SNED1: variants seen among roughly 807,000 people sequenced by gnomAD.
SNED1 encodes the protein sushi, nidogen and EGF-like domain-containing protein 1.
A neutral mutation model predicts 166.7 loss-of-function variants in SNED1; 81 were observed. That is an observed-to-expected ratio of 0.49 (90% CI 0.41 to 0.58). The LOEUF is 0.58. Among genes scored for constraint, SNED1 ranks in the 20% least tolerant of loss-of-function variants. The pLI, the probability that SNED1 is intolerant of heterozygous loss-of-function variation, is 0.00. For synonymous variants in SNED1, 762 were observed against 822.0 expected (o/e 0.93, Z 1.25); for missense variants, 1,604 against 2,000.2 (o/e 0.80, Z 3.78).
chr2:241,066,431 G>C (rs1015604809), intron 21 of SNED1, among the ~76,000 whole-genome samples: 2 of 152,204 alleles, frequency 1.3e-5, no homozygotes, highest in Non-Finnish European at 2.9e-5. Flanking sequence ...GAGCCCGGCC[G>C]CATCAGCTAG....
chr2:241,034,194 C>G (rs73110155), intron 3 of SNED1, among the ~76,000 whole-genome samples: 1 of 152,240 alleles, frequency 6.6e-6, no homozygotes, highest in Non-Finnish European at 1.5e-5. Flanking sequence ...ACACAAGGGA[C>G]CACAGCCGGC....
At chr2:241,034,376 G>T (rs1286658493) in intron 3 of SNED1, among the ~76,000 whole-genome samples, 192 bp from the exon 4 acceptor site, 6 of 152,206 alleles carry the variant, frequency 3.9e-5, no homozygotes, top group Non-Finnish European at 1.5e-5. Context: ...GAGCCCAGAG[G>T]TGAGCTGCCG....
intron 31 of SNED1, chr2:241,089,930 C>T (rs75470013): frequency 9.0e-5 from 139 of 1,537,112 alleles, no homozygotes; most frequent in Non-Finnish European, 1.1e-4. Flanking sequence ...TGTATCTAAA[C>T]GTAGAAAACC....
intron 1 of SNED1, among the ~76,000 whole-genome samples, chr2:241,009,863 G>A (rs552147290): frequency 2.0e-5 from 3 of 152,126 alleles, no homozygotes; most frequent in East Asian, 3.9e-4. Context: ...TATTGCCGTC[G>A]GTGGCTGGGC....
At position 241,081,782 on chromosome 2, in the gene SNED1, G is replaced by A. The variant is rs201185205; in HGVS notation, c.4022G>A (p.Arg1341His). 436 of 1,589,154 alleles carry A rather than the reference G, an allele frequency of 2.7e-4. 1 individual carries two copies. The African/African-American group carries it at 4.5e-3, about 16-fold the overall frequency. The change falls in exon 28 of 32, where the codon CGC becomes CAC. Residue 1341 changes from arginine to histidine, a missense_variant. Around this residue, in one of 2 missense-constraint regions of SNED1, gnomAD observed 367 missense variants for 379.4 expected, o/e 0.97. Transcript: ENST00000310397. ...TGCGGGCCAGGGTTCAAAGGCAGAC[G>A]CTGCGAGCTCGGTAAGTCGGGGCTT... ...CDCGPGFKGR[R>H]CELACIKVSR... is the part of the protein sequence containing the mutation.
At chr2:241,052,259 C>A in intron 14 of SNED1, 96 bp from the exon 15 acceptor site, 2 of 1,438,936 alleles carry the variant, frequency 1.4e-6, no homozygotes, top group Admixed American at 1.8e-5. Context: ...CCTGGAGGCG[C>A]AGGAGGTGGA....
At chr2:241,062,685 T>A in intron 16 of SNED1, 106 bp from the exon 17 acceptor site, 1 of 774,232 alleles carries the variant, frequency 1.3e-6, no homozygotes, top group East Asian at 2.7e-5. Flanking sequence ...CAACCACTGA[T>A]GATGTATCAT....
intron 8 of SNED1, among the ~76,000 whole-genome samples, chr2:241,042,191 A>C (rs1485367397): frequency 2.0e-5 from 3 of 152,164 alleles, no homozygotes; most frequent in Non-Finnish European, 4.4e-5. Context: ...ATTTTGGCTT[A>C]TTATTATCAG....
At chr2:241,045,367 A>G (rs892015009) in intron 8 of SNED1, among the ~76,000 whole-genome samples, 10 of 152,230 alleles carry the variant, frequency 6.6e-5, no homozygotes, top group Non-Finnish European at 1.5e-5. Flanking sequence ...TGAAGAATAA[A>G]TTTTGAGGAA....
At chr2:241,083,862 C>T (rs1156892830) in intron 29 of SNED1, among the ~76,000 whole-genome samples, 7 of 151,870 alleles carry the variant, frequency 4.6e-5, no homozygotes, top group African/African-American at 1.7e-4. Flanking sequence ...TACTACCTTC[C>T]ACATAATGGC....
At chr2:241,071,754 G>T in intron 25 of SNED1, 34 bp downstream of exon 25, 1 of 1,507,112 alleles carries the variant, frequency 6.6e-7, no homozygotes, top group Non-Finnish European at 8.9e-7. Context: ...CATCGCCCGA[G>T]GCGGCGCTCG....
chr2:241,009,565 G>A (rs908308049), intron 1 of SNED1, among the ~76,000 whole-genome samples: 2 of 152,146 alleles, frequency 1.3e-5, no homozygotes, highest in African/African-American at 2.4e-5. Context: ...GGGGGCTGGG[G>A]GCATGGCCCC....
At chr2:241,076,422 G>T (rs1000015077) in intron 27 of SNED1, among the ~76,000 whole-genome samples, 6 of 152,218 alleles carry the variant, frequency 3.9e-5, no homozygotes, top group African/African-American at 1.4e-4. Context: ...TACTTTTCCT[G>T]ATTATTTATT....
chr2:241,003,930 T>G (rs765153902), intron 1 of SNED1, among the ~76,000 whole-genome samples: 2 of 152,238 alleles, frequency 1.3e-5, no homozygotes, highest in African/African-American at 2.4e-5. Context: ...CCTTCTAACA[T>G]CTCTGGTTTC....
intron 16 of SNED1, among the ~76,000 whole-genome samples, chr2:241,054,942 C>T (rs1263649159): frequency 6.6e-6 from 1 of 152,126 alleles, no homozygotes; most frequent in Non-Finnish European, 1.5e-5. Flanking sequence ...CATAGTGAAA[C>T]TCCGTCCCTA....
At chr2:241,028,729 G>A (rs1302145215) in intron 1 of SNED1, among the ~76,000 whole-genome samples, 1 of 152,096 alleles carries the variant, frequency 6.6e-6, no homozygotes, top group African/African-American at 2.4e-5. Context: ...CTCCAATATT[G>A]TACTTCCTTT....
chr2:241,063,724 C>G, intron 18 of SNED1, 24 bp downstream of exon 18: 1 of 1,477,288 alleles, frequency 6.8e-7, no homozygotes, highest in Non-Finnish European at 9.4e-7. Flanking sequence ...CCAGTGGGCC[C>G]CACATGCAGA....
chr2:241,034,012 C>A, intron 3 of SNED1, 137 bp downstream of exon 3: 1 of 1,096,286 alleles, frequency 9.1e-7, no homozygotes, highest in Non-Finnish European at 1.3e-6. Flanking sequence ...GAGAGACATC[C>A]ACAACCATCC....
chr2:241,073,054 C>A lies in SNED1; in HGVS notation c.3818-212C>A. On this transcript the variant is annotated intron_variant, in intron 26 of 31. Transcript: ENST00000310397. The surrounding 1 kb of genome is among the most constrained non-coding windows in gnomAD (Gnocchi z 6.6). ...TGAGGGGGCCCTGCAAGGGGAAGGC[C>A]GAGCCCCTCCAGAGGGTCAGCAGGA... 1.8e-6 allele frequency: 1 copy of A among 554,790 alleles called. No individual in the cohort carries two copies. Among genetic ancestry groups the A allele is most frequent in the Non-Finnish European group, 3.2e-6 (1 of 311,246 alleles). 34.4% of individuals were successfully genotyped at this position (554,790 alleles called of 1,614,324 possible). A position where few individuals can be genotyped will look rare whatever the true frequency, so the allele number is the denominator to read the frequency against.
Sources: gnomAD v4.1 joint callset for allele counts (sites outside exome capture counted in the v4.1 genomes callset) on GRCh38, gnomAD v4.1.1 for gene constraint, gnomAD v4.1.1 regional missense constraint, Gnocchi (gnomAD v3.1) non-coding constraint, MANE v1.5 for transcripts, NCBI Gene and HGNC (gene_info 2026-07-23, HGNC 2026-07-21) for gene names.